Variants in STMN1 observed in about 807,000 individuals in gnomAD.
STMN1 encodes stathmin 1, also known as stathmin.
STMN1 carries 3 observed loss-of-function variants against 19.7 expected under a neutral mutation model. The ratio of observed to expected loss-of-function variants is 0.15; its 90% CI spans 0.07 to 0.39. The LOEUF is 0.39. STMN1 is among the 10% of genes least tolerant of loss of function. STMN1 has a pLI of 1.00. For synonymous variants in STMN1, 59 were observed against 58.9 expected, an observed-to-expected ratio of 1.00 and a Z score of -0.01; for missense variants, 99 against 176.0, an observed-to-expected ratio of 0.56 and a Z score of 2.48.
chr1:25,895,099 CTTTTTTT>C (rs34587140), intron 4 of STMN1, among the ~76,000 whole-genome samples: 1 of 113,400 alleles, frequency 8.8e-6, no homozygotes, highest in Non-Finnish European at 1.8e-5. Flanking sequence ...TATTATACGT[CTTTTTTT>C]TTTTTTTTTT....
At chr1:25,896,159 A>G (rs140553213), downstream of STMN1, among the ~76,000 whole-genome samples, 120 of 152,300 alleles carry the variant, frequency 7.9e-4, no homozygotes, top group African/African-American at 2.7e-3. Flanking sequence ...TCCTGACTCT[A>G]CTGCTTGCTA....
At chr1:25,889,084 G>A (rs567664851) in intron 4 of STMN1, 8 of 490,372 alleles carry the variant, frequency 1.6e-5, no homozygotes, top group South Asian at 9.4e-5. Context: ...AGGAGACATC[G>A]GAGGAGAACC....
intron 4 of STMN1, among the ~76,000 whole-genome samples, chr1:25,893,323 A>G (rs2048792540): frequency 6.6e-6 from 1 of 152,166 alleles, no homozygotes; most frequent in African/African-American, 2.4e-5. Context: ...CTTTGATAGC[A>G]CTGATCTGAG....
rs866337831 is a variant in STMN1, at chr1:25,900,563, C to A, written c.*453G>T. 1 of 986,190 alleles carries A rather than the reference C, an allele frequency of 1.0e-6. No homozygotes were observed. The highest frequency in any genetic ancestry group is 6.1e-5 in the Admixed American group (1 of 16,268). 61.1% of individuals were successfully genotyped at this position (986,190 alleles called of 1,614,324 possible). A position where few individuals can be genotyped will look rare whatever the true frequency, so the allele number is the denominator to read the frequency against. Reference sequence around the variant, plus strand: ...TAACCTAACTCAAAAGAAGTCACTGCCACCAACAGCACTGTGCAGTTTTAT... The same window carrying A: ...TAACCTAACTCAAAAGAAGTCACTGACACCAACAGCACTGTGCAGTTTTAT... On this transcript the variant is annotated 3_prime_UTR_variant, in exon 5 of 5. Coordinates refer to ENST00000455785, the MANE Select transcript of STMN1 (RefSeq NM_005563.4).
chr1:25,901,153 C>T (rs535477972), intron 4 of STMN1, 66 bp from the exon 5 acceptor site: 16 of 1,567,082 alleles, frequency 1.0e-5, no homozygotes, highest in East Asian at 2.3e-5. Context: ...TGTCAAGTCA[C>T]GACCCCCAGC....
chr1:25,901,705 C>T (rs753672483), intron 3 of STMN1, 23 bp from the exon 4 acceptor site: 18 of 1,592,378 alleles, frequency 1.1e-5, no homozygotes, highest in Non-Finnish European at 1.5e-5. Flanking sequence ...GTTTAATAGG[C>T]TAGGCACTCT....
chr1:25,894,063 C>T (rs891525224), intron 4 of STMN1, among the ~76,000 whole-genome samples: 1 of 152,210 alleles, frequency 6.6e-6, no homozygotes, highest in African/African-American at 2.4e-5. Context: ...CTGTGTCCCA[C>T]AGCAGAGGAG....
chr1:25,893,169 C>T (rs554103280), intron 4 of STMN1, among the ~76,000 whole-genome samples: 7 of 152,246 alleles, frequency 4.6e-5, no homozygotes, highest in African/African-American at 1.7e-4. Context: ...AGGTGAAATT[C>T]CAGCCTCAGC....
At chr1:25,899,937 T>C (rs749106160), downstream of STMN1, among the ~76,000 whole-genome samples, 37 of 152,180 alleles carry the variant, frequency 2.4e-4, no homozygotes, top group Non-Finnish European at 1.2e-4. Context: ...ATAATTAGGC[T>C]ATTTCTCAAA....
At chr1:25,904,810 C>T (rs1326783447) in intron 1 of STMN1, 72 bp from the exon 2 acceptor site, 15 of 1,145,202 alleles carry the variant, frequency 1.3e-5, no homozygotes, top group Non-Finnish European at 1.9e-5. Flanking sequence ...AAAAAAATCT[C>T]ACATCACATC....
upstream of STMN1, chr1:25,906,805 G>C (rs917266587): frequency 1.3e-5 from 2 of 152,606 alleles, no homozygotes; most frequent in African/African-American, 4.8e-5. The surrounding 1 kb of genome is among the most constrained non-coding windows in gnomAD (Gnocchi z 4.5). Context: ...AACTTTGGCC[G>C]CCTGGACTCC....
At chr1:25,887,799 G>A (rs890264709) in intron 4 of STMN1, among the ~76,000 whole-genome samples, 1 of 152,250 alleles carries the variant, frequency 6.6e-6, no homozygotes, top group East Asian at 1.9e-4. Flanking sequence ...TGGTTCTCCT[G>A]CGTCAGCCTC....
chr1:25,885,804 G>A (rs374629601), exon 5 of STMN1: 1 of 1,551,674 alleles, frequency 6.4e-7, no homozygotes, highest in South Asian at 1.2e-5. Context: ...GAACAGAGTG[G>A]AGACAAGATT....
chr1:25,884,772 G>T (rs554490225), downstream of STMN1: 1 of 153,232 alleles, frequency 6.5e-6, no homozygotes, highest in South Asian at 2.1e-4. Context: ...GGCTGCACAG[G>T]CATTTGGCAG....
intron 4 of STMN1, among the ~76,000 whole-genome samples, chr1:25,891,720 T>C (rs1403338010): frequency 6.6e-6 from 1 of 151,862 alleles, no homozygotes; most frequent in African/African-American, 2.4e-5. Context: ...GCTGTGGAGG[T>C]GGGCCAGTGC....
chr1:25,885,716 T>G (rs2048715389), exon 5 of STMN1: 1 of 1,548,372 alleles, frequency 6.5e-7, no homozygotes, highest in South Asian at 1.2e-5. Context: ...AAATATTTAT[T>G]AAGTACCTAG....
intron 3 of STMN1, 185 bp downstream of exon 3, chr1:25,903,454 AAT>A (rs2048898047): frequency 1.4e-6 from 1 of 718,610 alleles, no homozygotes; most frequent in Non-Finnish European, 2.2e-6. Flanking sequence ...AAAGGAGAAA[AAT>A]ATAAACAAAG....
At chr1:25,901,384 G>T (rs890339679) in intron 4 of STMN1, 107 bp downstream of exon 4, 22 of 1,360,160 alleles carry the variant, frequency 1.6e-5, no homozygotes, top group Non-Finnish European at 2.2e-5. Context: ...GCCCCAAAAT[G>T]GATGACAAAA....
At chr1:25,889,202 G>A (rs1246707153) in intron 4 of STMN1, 2 of 295,534 alleles carry the variant, frequency 6.8e-6, no homozygotes, top group Non-Finnish European at 1.3e-5. Flanking sequence ...GTTATCTGCA[G>A]TTAGACATGT....
Sources: gnomAD v4.1 joint callset for allele counts (sites outside exome capture counted in the v4.1 genomes callset) on GRCh38, gnomAD v4.1.1 for gene constraint, Gnocchi (gnomAD v3.1) non-coding constraint, MANE v1.5 for transcripts, NCBI Gene and HGNC (gene_info 2026-07-23, HGNC 2026-07-21) for gene names.